The following TSHZ3 variants were observed in gnomAD, a reference collection of about 807,000 sequenced individuals.
TSHZ3 encodes the protein teashirt homolog 3.
In TSHZ3, 10 loss-of-function variants were observed where a neutral mutation model predicts 64.5. The ratio of observed to expected loss-of-function variants is 0.16; its 90% CI spans 0.10 to 0.26. TSHZ3 has a LOEUF of 0.26. Ranked by LOEUF, TSHZ3 falls within the 10% of genes least tolerant of loss-of-function variation. TSHZ3 has a pLI of 1.00. For missense variants in TSHZ3, 1,242 were observed against 1,421.7 expected, an observed-to-expected ratio of 0.87 and a Z score of 2.03; for synonymous variants, 608 against 593.1, an observed-to-expected ratio of 1.03 and a Z score of -0.36.
chr19:31,237,006 G>A (rs576378996), intron 3 of TSHZ3, among the ~76,000 whole-genome samples: 4 of 152,200 alleles, frequency 2.6e-5, no homozygotes, highest in Admixed American at 1.3e-4. Flanking sequence ...AATATTAGCC[G>A]GGCGAGGTGG....
intron 1 of TSHZ3, among the ~76,000 whole-genome samples, chr19:31,316,272 C>T (rs1416591473): frequency 6.6e-6 from 1 of 152,126 alleles, no homozygotes; most frequent in Non-Finnish European, 1.5e-5. Context: ...GCCTAAATCT[C>T]CCAAAGCCTG....
At chr19:31,178,106 A>G (rs1171906693) in intron 5 of TSHZ3, among the ~76,000 whole-genome samples, 1 of 152,188 alleles carries the variant, frequency 6.6e-6, no homozygotes, top group Non-Finnish European at 1.5e-5. Flanking sequence ...GAAACAACAT[A>G]TGAAGATACT....
chr19:31,158,494 C>A (rs1470539885), intron 5 of TSHZ3, among the ~76,000 whole-genome samples: 1 of 152,172 alleles, frequency 6.6e-6, no homozygotes, highest in Admixed American at 6.5e-5. Context: ...GGACTACATT[C>A]TTTTCTGGAG....
chr19:31,285,304 A>C (rs1976437421), intron 1 of TSHZ3, among the ~76,000 whole-genome samples: 1 of 151,908 alleles, frequency 6.6e-6, no homozygotes, highest in Non-Finnish European at 1.5e-5. Context: ...ACACAGCAAG[A>C]CCTCATCTTT....
At chr19:31,206,392 G>T (rs1975177126) in intron 4 of TSHZ3, among the ~76,000 whole-genome samples, 1 of 152,132 alleles carries the variant, frequency 6.6e-6, no homozygotes, top group South Asian at 2.1e-4. Context: ...GAGATGGATG[G>T]ACAGATTGAT....
rs148578761 is a variant in TSHZ3, at chr19:31,177,077, C to T, written n.810-20660G>A. 1.2e-3 allele frequency among the ~76,000 whole-genome samples: 180 copies of T among 152,238 alleles called. 1 individual carries two copies. Among genetic ancestry groups the T allele is most frequent in the East Asian group, 9.9e-3 (51 of 5,176 alleles). On this transcript the variant is annotated intron_variant and non_coding_transcript_variant, in intron 5 of 6. Coordinates refer to the TSHZ3 transcript ENST00000651361. ...ATGATAGCACCTGGCCCTTGGGTTG[C>T]TGTGAGCAAAAAGAGAATATTCCTG...
chr19:31,183,090 A>G lies in TSHZ3; in HGVS notation n.809+21866T>C, dbSNP rs182182021. Among the ~76,000 whole-genome samples the G allele has an allele frequency of 4.6e-5, 7 of 151,182 alleles. No homozygotes were observed. In the East Asian group the frequency reaches 1.4e-3, roughly 30 times the overall value. On this transcript the variant is annotated intron_variant and non_coding_transcript_variant, in intron 5 of 6. Transcript: ENST00000651361. ...CCTTTGGATCTGAACTACAACATCA[A>G]CCCTTCCCTGAGTCTCCAGCCTACC...
At chr19:31,272,144 A>G (rs1352349874), downstream of TSHZ3, among the ~76,000 whole-genome samples, 2 of 152,224 alleles carry the variant, frequency 1.3e-5, no homozygotes. Flanking sequence ...TGTTCGATGC[A>G]GCCTGGCTTC....
chr19:31,278,580 T>C lies in TSHZ3; in HGVS notation c.1213A>G (p.Met405Val), dbSNP rs1288900282. Residue 405 changes from methionine (M) to valine (V), a missense_variant, in exon 2 of 2, where the codon ATG (methionine) becomes GTG (valine). Around this residue, in one of 4 missense-constraint regions of TSHZ3, gnomAD observed 555 missense variants for 704.0 expected, o/e 0.79. Coordinates refer to ENST00000240587, the MANE Select transcript of TSHZ3 (RefSeq NM_020856.4). The surrounding 1 kb of genome is among the most constrained non-coding windows in gnomAD (Gnocchi z 4.7). ...HDTLQELTAH[M>V]MVTGHFIKVT... ...TTGATGAAGTGGCCAGTGACCATCATGTGGGCAGTGAGCTCCTGCAGGGTG... is the reference window on the plus strand; with the variant it reads ...TTGATGAAGTGGCCAGTGACCATCACGTGGGCAGTGAGCTCCTGCAGGGTG... 3 of 1,614,054 alleles carry C rather than the reference T, an allele frequency of 1.9e-6. No individual in the cohort carries two copies. The highest frequency in any genetic ancestry group is 2.5e-6 in the Non-Finnish European group (3 of 1,180,034).
intron 5 of TSHZ3, among the ~76,000 whole-genome samples, chr19:31,202,995 T>G (rs560093938): frequency 1.3e-5 from 2 of 151,384 alleles, no homozygotes; most frequent in South Asian, 4.2e-4. Flanking sequence ...AGAGAGAGAA[T>G]GAAAATTAAG....
In TSHZ3 at chr19:31,278,520, T is replaced by C; in HGVS notation, c.1273A>G (p.Ile425Val). The C allele has an allele frequency of 6.2e-7, 1 of 1,614,136 alleles. No homozygotes were observed. The highest frequency in any genetic ancestry group is 1.7e-5 in the Admixed American group (1 of 60,020). Residue 425 changes from isoleucine (I) to valine (V), a missense_variant, in exon 2 of 2, where the codon ATT becomes GTT. Physicochemically the swap from Ile to Val is conservative, Grantham distance 29. This residue lies in a region of TSHZ3 where 555 missense variants were observed against 704.0 expected (regional missense o/e 0.79). Transcript: ENST00000240587. The surrounding 1 kb of genome is among the most constrained non-coding windows in gnomAD (Gnocchi z 4.7). The part of the protein sequence containing the change: ...TNSAMKKGKP[I>V]VETPVTPTIT... Reference sequence around the variant, plus strand: ...GTAGGTGTGACAGGCGTCTCCACAATGGGCTTCCCCTTTTTCATAGCAGAG... The same window carrying C: ...GTAGGTGTGACAGGCGTCTCCACAACGGGCTTCCCCTTTTTCATAGCAGAG...
At chr19:31,332,561 T>C (rs1280390794) in intron 1 of TSHZ3, among the ~76,000 whole-genome samples, 2 of 152,156 alleles carry the variant, frequency 1.3e-5, no homozygotes, top group Non-Finnish European at 2.9e-5. Flanking sequence ...AGATGTGCCA[T>C]GAAGTTTGCA....
intron 1 of TSHZ3, among the ~76,000 whole-genome samples, chr19:31,249,702 C>T (rs990319552): frequency 2.6e-5 from 4 of 152,208 alleles, no homozygotes; most frequent in African/African-American, 7.2e-5. Context: ...TGGGTTTGAG[C>T]ATCCACAGTT....
rs1006038382 is a variant in TSHZ3 at position 31,216,803 on chromosome 19, T to TTTTTTTA, written n.686+11195_686+11201dup. ...GTGCCCGCCACCACGCCTGGCCAAT[T>TTTTTTTA]TTTTTTATTTTTTATTTTTTATTTT... is the stretch of plus-strand genomic sequence containing the variant. On this transcript the variant is annotated intron_variant and non_coding_transcript_variant, in intron 4 of 6. Coordinates refer to the TSHZ3 transcript ENST00000651361. 7.2e-5 allele frequency among the ~76,000 whole-genome samples: 11 copies of TTTTTTTA among 151,916 alleles called. No individual in the cohort carries two copies. The South Asian group carries it at 1.7e-3, about 23-fold the overall frequency.
At chr19:31,343,576 C>T (rs1244913318) in intron 1 of TSHZ3, among the ~76,000 whole-genome samples, 1 of 151,848 alleles carries the variant, frequency 6.6e-6, no homozygotes, top group Non-Finnish European at 1.5e-5. Flanking sequence ...TAGAGTATGA[C>T]AGTTGTTCAG....
At chr19:31,350,028 G>A (rs2021664613), upstream of TSHZ3, among the ~76,000 whole-genome samples, 1 of 137,564 alleles carries the variant, frequency 7.3e-6, no homozygotes, top group Non-Finnish European at 1.6e-5. Context: ...AGCCCGTCCC[G>A]GGGCGCTCGT....
intron 4 of TSHZ3, among the ~76,000 whole-genome samples, chr19:31,211,638 C>T (rs1024656646): frequency 1.5e-4 from 23 of 152,312 alleles, no homozygotes; most frequent in African/African-American, 5.5e-4. Flanking sequence ...TAGCGGCAGA[C>T]AGCCATGGGC....
intron 3 of TSHZ3, among the ~76,000 whole-genome samples, chr19:31,234,750 T>A (rs143538920): frequency 6.6e-6 from 1 of 152,372 alleles, no homozygotes. Flanking sequence ...TAGTGCTGAA[T>A]TCAGTTTGCT....
At chr19:31,248,547 GC>G (rs1382223850) in intron 1 of TSHZ3, among the ~76,000 whole-genome samples, 1 of 151,848 alleles carries the variant, frequency 6.6e-6, no homozygotes, top group East Asian at 1.9e-4. Context: ...AGTGGTCCCT[GC>G]CTGTCATCCC....
Sources: allele counts gnomAD v4.1 joint callset (sites outside exome capture counted in the v4.1 genomes callset), GRCh38; gene constraint gnomAD v4.1.1; regional missense constraint gnomAD v4.1.1; non-coding constraint Gnocchi (gnomAD v3.1); transcripts MANE v1.5; gene names NCBI Gene and HGNC (gene_info 2026-07-23, HGNC 2026-07-21).